ZNF514: variants seen among roughly 807,000 people sequenced by gnomAD.
ZNF514 encodes the protein zinc finger protein 514.
In ZNF514, 12 loss-of-function variants were observed where a neutral mutation model predicts 9.7. The ratio of observed to expected loss-of-function variants is 1.24; its 90% CI spans 0.79 to 2.01. The LOEUF is 2.01. ZNF514 is among the 30% of genes most tolerant of loss of function. ZNF514 has a pLI of 0.00. For synonymous variants in ZNF514, 158 were observed against 163.7 expected, an observed-to-expected ratio of 0.97 and a Z score of 0.27; for missense variants, 467 against 465.5, an observed-to-expected ratio of 1.00 and a Z score of -0.03.
rs1161795830 is a variant in ZNF514, at chr2:95,148,730, G to A, written c.*552C>T. 1 of 152,892 alleles carries A rather than the reference G, an allele frequency of 6.5e-6. No homozygotes were observed. Among genetic ancestry groups the A allele is most frequent in the Non-Finnish European group, 1.5e-5 (1 of 68,622 alleles). 9.5% of individuals were successfully genotyped at this position (152,892 alleles called of 1,614,324 possible). On this transcript the variant is annotated 3_prime_UTR_variant, in exon 5 of 5. Coordinates refer to ENST00000295208, the MANE Select transcript of ZNF514 (RefSeq NM_032788.3). Reference sequence around the variant, plus strand: ...TCTCCCACATTACCCACATTCACAGGTTTTTCTCAGGTATGAATTTTCTGA... The same window carrying A: ...TCTCCCACATTACCCACATTCACAGATTTTTCTCAGGTATGAATTTTCTGA...
the ZNF514 span, among the ~76,000 whole-genome samples, chr2:95,131,407 A>C: frequency 5.9e-5 from 9 of 152,352 alleles, no homozygotes; most frequent in Non-Finnish European, 7.4e-5. Context: ...ACCAGGAGTT[A>C]TCTCTCCCTC....
chr2:95,146,814 A>G lies in ZNF514; in HGVS notation c.*2468T>C, dbSNP rs533681149. Among the ~76,000 whole-genome samples the G allele has an allele frequency of 4.3e-4, 66 of 152,032 alleles. No individual in the cohort carries two copies. Among genetic ancestry groups the G allele is most frequent in the African/African-American group, 1.6e-3 (65 of 41,466 alleles). On this transcript the variant is annotated 3_prime_UTR_variant, in exon 5 of 5. Transcript: ENST00000295208. Reference sequence around the variant, plus strand: ...GGTAGGTACAGAAAAGGGCACTGGGAAAAAAGGGAGAGACGGAGCAAGAAA... The same window carrying G: ...GGTAGGTACAGAAAAGGGCACTGGGGAAAAAGGGAGAGACGGAGCAAGAAA...
the ZNF514 span, among the ~76,000 whole-genome samples, chr2:95,136,529 G>A: frequency 6.6e-6 from 1 of 151,394 alleles, no homozygotes; most frequent in South Asian, 2.1e-4. Flanking sequence ...TTACAACCAT[G>A]AGCCACCACA....
Position 95,149,263 on chromosome 2 carries a change from C to CCTT in ZNF514, c.*16_*18dup. ...TGATGTCTGCACTCCAGCTGAAAGC[C>CCTT]CTTCTATATTCACTGAATTTATAGG... On this transcript the variant is annotated 3_prime_UTR_variant, in exon 5 of 5. Coordinates refer to ENST00000295208, the MANE Select transcript of ZNF514 (RefSeq NM_032788.3). 6.5e-7 allele frequency: 1 copy of CCTT among 1,537,878 alleles called. No individual in the cohort carries two copies. Among genetic ancestry groups the CCTT allele is most frequent in the Non-Finnish European group, 8.7e-7 (1 of 1,146,576 alleles).
At position 95,147,743 on chromosome 2, in the gene ZNF514, A is replaced by G. The variant is rs1673402871; in HGVS notation, c.*1539T>C. On this transcript the variant is annotated 3_prime_UTR_variant, in exon 5 of 5. Transcript: ENST00000295208. ...AAGCTCTGCCTCCCCGATTCACGCCATTCTCCTGTCTCAGCCTTCCAAGTA... is the reference window on the plus strand; with the variant it reads ...AAGCTCTGCCTCCCCGATTCACGCCGTTCTCCTGTCTCAGCCTTCCAAGTA... 1 of 149,014 alleles carries G rather than the reference A, an allele frequency of 6.7e-6. No individual in the cohort carries two copies. Among genetic ancestry groups the G allele is most frequent in the African/African-American group, 2.5e-5 (1 of 40,216 alleles). 9.2% of individuals were successfully genotyped at this position (149,014 alleles called of 1,614,324 possible).
chr2:95,138,098 C>T, the ZNF514 span, among the ~76,000 whole-genome samples: 9 of 152,316 alleles, frequency 5.9e-5, no homozygotes, highest in East Asian at 9.6e-4. Flanking sequence ...TCCTGTAAAG[C>T]CTGCAGAACT....
chr2:95,134,712 T>C, the ZNF514 span, among the ~76,000 whole-genome samples: 1 of 152,250 alleles, frequency 6.6e-6, no homozygotes, highest in African/African-American at 2.4e-5. Context: ...TCATGAAATT[T>C]ATCCGTTTTC....
the ZNF514 span, among the ~76,000 whole-genome samples, chr2:95,126,392 A>AAAAAAAAAAAAAAAG: frequency 1.2e-4 from 10 of 84,450 alleles, no homozygotes; most frequent in African/African-American, 1.7e-4. Flanking sequence ...AAAAAAAAAA[A>AAAAAAAAAAAAAAAG]AAAGAAAGAA....
intron 4 of ZNF514, among the ~76,000 whole-genome samples, chr2:95,152,252 T>A (rs1673563203): frequency 1.3e-5 from 2 of 152,184 alleles, no homozygotes; most frequent in African/African-American, 2.4e-5. Context: ...TGTCCTCACC[T>A]GGATCTTCGT....
chr2:95,153,000 T>C, intron 3 of ZNF514, 133 bp downstream of exon 3: 2 of 1,225,154 alleles, frequency 1.6e-6, no homozygotes, highest in Non-Finnish European at 2.3e-6. Context: ...AAAGAGAATG[T>C]AAATGTCTGA....
chr2:95,144,947 T>G (rs1213465953), downstream of ZNF514, among the ~76,000 whole-genome samples: 2 of 152,114 alleles, frequency 1.3e-5, no homozygotes, highest in Non-Finnish European at 2.9e-5. Context: ...CCCTAAAAGA[T>G]GGAACAGTGC....
intron 4 of ZNF514, among the ~76,000 whole-genome samples, chr2:95,151,296 C>T (rs1301318166): frequency 6.6e-6 from 1 of 152,140 alleles, no homozygotes; most frequent in Non-Finnish European, 1.5e-5. Flanking sequence ...ATGTGTAAAC[C>T]ATTGTTGGCT....
rs537096643 is a variant in ZNF514 at position 95,150,991 on chromosome 2, G to A, written c.218-724C>T. On this transcript the variant is annotated intron_variant, in intron 4 of 4. Transcript: ENST00000295208. ...TCAGGGACAAGCTCATGTCCTCCAC[G>A]AAGTATTCTTTTAACACCTTAGTGC... Among the ~76,000 whole-genome samples the A allele has an allele frequency of 1.2e-4, 18 of 152,212 alleles. 1 individual carries two copies. In the South Asian group the frequency reaches 3.5e-3, roughly 30 times the overall value.
chr2:95,143,160 C>G (rs958310632), downstream of ZNF514, among the ~76,000 whole-genome samples: 3 of 152,210 alleles, frequency 2.0e-5, no homozygotes, highest in Non-Finnish European at 4.4e-5. Flanking sequence ...TGAACAATCT[C>G]CAAGTGGTGA....
At chr2:95,125,104 C>T in the ZNF514 span, among the ~76,000 whole-genome samples, 11 of 151,636 alleles carry the variant, frequency 7.3e-5, no homozygotes, top group Admixed American at 2.0e-4. Flanking sequence ...GTCTCAAACT[C>T]CTGACCTCAA....
rs1270636211 is a variant in ZNF514, at chr2:95,148,383, A to AC, written c.*898dup. The AC allele has an allele frequency of 6.6e-6, 1 of 152,198 alleles. No homozygotes were observed. The highest frequency in any genetic ancestry group is 1.5e-5 in the Non-Finnish European group (1 of 68,040). 9.4% of individuals were successfully genotyped at this position (152,198 alleles called of 1,614,324 possible). On this transcript the variant is annotated 3_prime_UTR_variant, in exon 5 of 5. Coordinates refer to ENST00000295208, the MANE Select transcript of ZNF514 (RefSeq NM_032788.3). ...AAATGGCCCCACCAGGCAGAAAATC[A>AC]CCAGACAAGGTGATTTCTCAGCTTC...
chr2:95,136,660 C>T, the ZNF514 span, among the ~76,000 whole-genome samples: 4 of 151,762 alleles, frequency 2.6e-5, no homozygotes, highest in East Asian at 7.7e-4. Flanking sequence ...AATTGTCTTA[C>T]CTAACAGAAA....
rs1480386983 is a variant in ZNF514, at chr2:95,149,336, A to G, written c.1149T>C (p.His383=). The change falls in exon 5 of 5, where the codon CAT becomes CAC. Residue 383 remains histidine (H), a synonymous_variant. Coordinates refer to ENST00000295208, the MANE Select transcript of ZNF514 (RefSeq NM_032788.3). The part of the protein sequence containing the change: ...KCNECGRAFA[H]TASLIKHQRS... ...TCTGATGTTTAATAAGGGATGCAGTATGAGCAAAGGCCCTTCCACACTCAT... is the reference window on the plus strand; with the variant it reads ...TCTGATGTTTAATAAGGGATGCAGTGTGAGCAAAGGCCCTTCCACACTCAT... 1 of 1,609,668 alleles carries G rather than the reference A, an allele frequency of 6.2e-7. No homozygotes were observed. Among genetic ancestry groups the G allele is most frequent in the Non-Finnish European group, 8.5e-7 (1 of 1,176,960 alleles).
chr2:95,153,035 G>T, intron 3 of ZNF514, 98 bp downstream of exon 3: 1 of 1,492,906 alleles, frequency 6.7e-7, no homozygotes, highest in Non-Finnish European at 9.0e-7. Flanking sequence ...AGGAAACCCA[G>T]GGCCAAACTT....
Sources: allele counts gnomAD v4.1 joint callset (sites outside exome capture counted in the v4.1 genomes callset), GRCh38; gene constraint gnomAD v4.1.1; transcripts MANE v1.5; gene names NCBI Gene and HGNC (gene_info 2026-07-23, HGNC 2026-07-21).